Variants in CSMD1 observed in about 807,000 individuals in gnomAD.
The protein encoded by CSMD1 is CUB and sushi domain-containing protein 1.
In CSMD1, 213 loss-of-function variants were observed where a neutral mutation model predicts 417.5. The observed-to-expected ratio is 0.51, with a 90% CI of 0.46 to 0.57. The LOEUF (loss-of-function observed/expected upper bound fraction) is 0.57, where lower values mean the gene tolerates loss of function less well. CSMD1 is among the 20% of genes least tolerant of loss of function. The probability of loss-of-function intolerance (pLI) is 0.00; values close to 1 mark genes in which losing one functional copy is unlikely to be tolerated. For missense variants in CSMD1, 6,923 were observed against 4,529.7 expected (o/e 1.53, Z -15.17); for synonymous variants, 2,862 against 1,736.8 (o/e 1.65, Z -16.11).
chr8:4,333,779 G>C (rs904269137), intron 3 of CSMD1, among the ~76,000 whole-genome samples: 3 of 152,088 alleles, frequency 2.0e-5, no homozygotes, highest in African/African-American at 7.2e-5. Flanking sequence ...GCCTTGACCT[G>C]GGTCTGCCCC....
intron 23 of CSMD1, among the ~76,000 whole-genome samples, chr8:3,318,742 G>A (rs1466662839): frequency 2.6e-5 from 4 of 152,064 alleles, no homozygotes; most frequent in Admixed American, 2.6e-4. Flanking sequence ...GGAGTGTCAC[G>A]GTTCCTTCTG....
intron 1 of CSMD1, among the ~76,000 whole-genome samples, chr8:4,934,108 C>A (rs13259087): frequency 0.31 from 47,337 of 151,998 alleles, 8,348 homozygotes; most frequent in Non-Finnish European, 0.41. Context: ...GCCGTGAGCA[C>A]CAGGGAGAGA....
At chr8:4,077,011 A>C (rs900584202) in intron 3 of CSMD1, among the ~76,000 whole-genome samples, 8 of 152,170 alleles carry the variant, frequency 5.3e-5, no homozygotes, top group Non-Finnish European at 1.2e-4. Flanking sequence ...AATAGTAAGA[A>C]AAATTGCAAC....
chr8:3,776,878 T>A (rs1474034824), intron 5 of CSMD1, among the ~76,000 whole-genome samples: 1 of 149,316 alleles, frequency 6.7e-6, no homozygotes, highest in Non-Finnish European at 1.5e-5. Flanking sequence ...AGCTGATAGA[T>A]ATAACTTTGT....
At chr8:2,998,335 G>A (rs1034540790) in intron 53 of CSMD1, among the ~76,000 whole-genome samples, 151 bp from the exon 54 acceptor site, 1 of 152,232 alleles carries the variant, frequency 6.6e-6, no homozygotes, top group African/African-American at 2.4e-5. Flanking sequence ...TTTATATTCA[G>A]AAGGGAATAT....
chr8:4,041,185 T>A (rs1048384611), intron 3 of CSMD1, among the ~76,000 whole-genome samples: 2 of 151,550 alleles, frequency 1.3e-5, no homozygotes, highest in South Asian at 4.3e-4. Context: ...CCCGGCTAAT[T>A]TTTTTGTATT....
At chr8:4,426,928 A>G (rs1797593027) in intron 2 of CSMD1, among the ~76,000 whole-genome samples, 1 of 151,958 alleles carries the variant, frequency 6.6e-6, no homozygotes, top group African/African-American at 2.4e-5. Context: ...TATATAGAAG[A>G]GAAATTATGG....
chr8:3,655,893 A>C (rs1798076228), intron 7 of CSMD1, among the ~76,000 whole-genome samples: 1 of 152,086 alleles, frequency 6.6e-6, no homozygotes, highest in Non-Finnish European at 1.5e-5. Flanking sequence ...AACATGCAAG[A>C]CCTTAATCCT....
intron 2 of CSMD1, among the ~76,000 whole-genome samples, chr8:4,432,417 C>A (rs1350265639): frequency 6.6e-6 from 1 of 152,042 alleles, no homozygotes; most frequent in East Asian, 1.9e-4. Context: ...TGTTGATTTC[C>A]TAGATTTGGA....
At chr8:4,329,871 C>T (rs969518904) in intron 3 of CSMD1, among the ~76,000 whole-genome samples, 3 of 142,912 alleles carry the variant, frequency 2.1e-5, no homozygotes, top group East Asian at 4.2e-4. Flanking sequence ...CACACACACA[C>T]ACAGACACAC....
intron 3 of CSMD1, among the ~76,000 whole-genome samples, chr8:4,124,899 G>A (rs932067250): frequency 6.6e-6 from 1 of 152,120 alleles, no homozygotes. Flanking sequence ...GGGTTATAAG[G>A]AGATATAAGC....
chr8:3,438,341 A>G (rs1312544237), intron 12 of CSMD1, among the ~76,000 whole-genome samples: 1 of 152,212 alleles, frequency 6.6e-6, no homozygotes, highest in East Asian at 1.9e-4. Flanking sequence ...CAGTATACTG[A>G]CGTTGAAACA....
chr8:3,256,096 G>A (rs921413012), intron 26 of CSMD1, among the ~76,000 whole-genome samples: 1 of 152,112 alleles, frequency 6.6e-6, no homozygotes, highest in East Asian at 1.9e-4. Flanking sequence ...GGGGGGCTGA[G>A]GCAGACCAAT....
intron 1 of CSMD1, among the ~76,000 whole-genome samples, chr8:4,686,116 A>G (rs1401698327): frequency 6.6e-6 from 1 of 152,212 alleles, no homozygotes; most frequent in Non-Finnish European, 1.5e-5. Flanking sequence ...GCTGTGTCAG[A>G]AAATTTGAGA....
At chr8:2,960,232 T>C (rs573227994) in intron 62 of CSMD1, among the ~76,000 whole-genome samples, 152 of 152,320 alleles carry the variant, frequency 1.0e-3, no homozygotes, top group Non-Finnish European at 1.9e-3. Flanking sequence ...AGGCAATATT[T>C]GAGACATAAT....
intron 3 of CSMD1, among the ~76,000 whole-genome samples, chr8:4,059,658 C>G (rs1798870541): frequency 1.3e-5 from 2 of 152,224 alleles, no homozygotes; most frequent in Non-Finnish European, 2.9e-5. Flanking sequence ...GAGAATACTA[C>G]AAACACCTCT....
chr8:4,170,865 A>C (rs1038755827), intron 3 of CSMD1, among the ~76,000 whole-genome samples: 3 of 151,656 alleles, frequency 2.0e-5, no homozygotes, highest in Non-Finnish European at 4.4e-5. Flanking sequence ...TAACATTTTT[A>C]CTCCTTTCCA....
chr8:4,661,288 C>G (rs1405139700), intron 1 of CSMD1, among the ~76,000 whole-genome samples: 1 of 152,136 alleles, frequency 6.6e-6, no homozygotes, highest in African/African-American at 2.4e-5. Flanking sequence ...AGCAATAAAA[C>G]AACGACAATA....
At chr8:4,284,688 T>C (rs1796965066) in intron 3 of CSMD1, among the ~76,000 whole-genome samples, 1 of 152,052 alleles carries the variant, frequency 6.6e-6, no homozygotes, top group Admixed American at 6.6e-5. Flanking sequence ...TTGACAGATA[T>C]AAAACACTAA....
Sources: allele counts gnomAD v4.1 joint callset (sites outside exome capture counted in the v4.1 genomes callset), GRCh38; gene constraint gnomAD v4.1.1; transcripts MANE v1.5; gene names NCBI Gene and HGNC (gene_info 2026-07-23, HGNC 2026-07-21).